The following MYLK variants were observed in gnomAD, a reference collection of about 807,000 sequenced individuals.
MYLK encodes myosin light chain kinase, smooth muscle.
MYLK carries 106 observed loss-of-function variants against 203.4 expected under a neutral mutation model. That is an observed-to-expected ratio of 0.52 (90% confidence interval 0.45 to 0.61). The LOEUF (loss-of-function observed/expected upper bound fraction) is 0.61, where lower values mean the gene tolerates loss of function less well. Among genes scored for constraint, MYLK ranks in the 20% least tolerant of loss-of-function variants. The probability of loss-of-function intolerance (pLI) is 0.00; values close to 1 mark genes in which losing one functional copy is unlikely to be tolerated. For missense variants in MYLK, 2,072 were observed against 2,442.3 expected (o/e 0.85, Z 3.20); for synonymous variants, 867 against 959.5 (o/e 0.90, Z 1.78).
chr3:123,859,944 T>C lies in MYLK; in HGVS notation c.-127+16615A>G, dbSNP rs370727639. Among the ~76,000 whole-genome samples, 18 of 151,830 alleles carry C rather than the reference T, an allele frequency of 1.2e-4. No homozygotes were observed. The East Asian group carries it at 3.3e-3, about 28-fold the overall frequency. ...ATAAATTTTTAAGTGATGGATTCTT[T>C]AATATTTTCAGACGCAGTTAGAAAA... is the stretch of plus-strand genomic sequence containing the variant. On this transcript the variant is annotated intron_variant, in intron 2 of 33. Transcript: ENST00000360304.
At chr3:123,853,432 C>T (rs76234193) in intron 2 of MYLK, among the ~76,000 whole-genome samples, 1 of 152,100 alleles carries the variant, frequency 6.6e-6, no homozygotes, top group African/African-American at 2.4e-5. Flanking sequence ...TGGGAAGACA[C>T]CCCAGAGAGC....
intron 2 of MYLK, among the ~76,000 whole-genome samples, chr3:123,874,466 C>T (rs1388977037): frequency 1.3e-5 from 2 of 152,118 alleles, no homozygotes; most frequent in African/African-American, 2.4e-5. Flanking sequence ...CTATACCTTA[C>T]ATCATGTATA....
intron 27 of MYLK, among the ~76,000 whole-genome samples, chr3:123,643,447 A>T (rs1416561295): frequency 6.6e-6 from 1 of 152,244 alleles, no homozygotes; most frequent in African/African-American, 2.4e-5. Context: ...CCTATTCAAT[A>T]TAAATTCAAA....
chr3:123,803,979 T>C (rs2065283128), intron 3 of MYLK, among the ~76,000 whole-genome samples: 1 of 151,830 alleles, frequency 6.6e-6, no homozygotes, highest in Non-Finnish European at 1.5e-5. Context: ...AAGAGAGAAC[T>C]AATAATAGTT....
intron 24 of MYLK, among the ~76,000 whole-genome samples, chr3:123,651,951 A>G (rs1482300249): frequency 6.6e-6 from 1 of 152,210 alleles, no homozygotes; most frequent in East Asian, 1.9e-4. Flanking sequence ...AACTCGGATC[A>G]AGAGTCCGGA....
intron 31 of MYLK, chr3:123,620,787 C>A: frequency 3.9e-6 from 1 of 258,258 alleles, no homozygotes; most frequent in Non-Finnish European, 6.3e-6. Context: ...TCCCACAAGT[C>A]CTGATGCAAA....
At chr3:123,761,380 C>T (rs1005468657) in intron 4 of MYLK, among the ~76,000 whole-genome samples, 1 of 152,212 alleles carries the variant, frequency 6.6e-6, no homozygotes, top group Non-Finnish European at 1.5e-5. Flanking sequence ...CACGTTGGGT[C>T]AGAATCCACC....
intron 2 of MYLK, among the ~76,000 whole-genome samples, chr3:123,861,368 A>G (rs2031902214): frequency 6.6e-6 from 1 of 152,226 alleles, no homozygotes; most frequent in Admixed American, 6.5e-5. Context: ...TGTCCTTCAG[A>G]TCCCTCATCT....
At chr3:123,773,427 T>C (rs1395024894) in intron 4 of MYLK, among the ~76,000 whole-genome samples, 1 of 152,244 alleles carries the variant, frequency 6.6e-6, no homozygotes, top group Non-Finnish European at 1.5e-5. Flanking sequence ...TTTAAAAATT[T>C]TACTTACTGA....
intron 19 of MYLK, among the ~76,000 whole-genome samples, chr3:123,683,732 C>T (rs1314413320): frequency 6.6e-6 from 1 of 152,134 alleles, no homozygotes; most frequent in African/African-American, 2.4e-5. Flanking sequence ...TGGGGGCAAT[C>T]CCCCACCAAA....
chr3:123,866,775 G>T (rs1453367667), intron 2 of MYLK, among the ~76,000 whole-genome samples: 1 of 152,088 alleles, frequency 6.6e-6, no homozygotes, highest in Non-Finnish European at 1.5e-5. Context: ...GAGTCAAGGA[G>T]CTTGGGTGTC....
At chr3:123,801,573 C>T (rs77393086) in intron 3 of MYLK, among the ~76,000 whole-genome samples, 1,735 of 152,232 alleles carry the variant, frequency 0.011, 30 homozygotes, top group African/African-American at 0.039. Flanking sequence ...CCCTTGCTCC[C>T]CTCCCTTTTC....
intron 5 of MYLK, among the ~76,000 whole-genome samples, chr3:123,744,586 G>A (rs141257824): frequency 0.015 from 2,264 of 152,194 alleles, 33 homozygotes; most frequent in Non-Finnish European, 0.021. Context: ...TTTATGATAC[G>A]GGGTTGAGTA....
At chr3:123,790,954 G>C (rs186553584) in intron 4 of MYLK, among the ~76,000 whole-genome samples, 47 of 152,330 alleles carry the variant, frequency 3.1e-4, no homozygotes, top group African/African-American at 1.1e-3. Context: ...ACCAGCCTGG[G>C]TCCAAGAAGT....
rs1011742769 is a variant in MYLK at position 123,820,668 on chromosome 3, T to C, written c.-4+10880A>G. On this transcript the variant is annotated intron_variant, in intron 3 of 33. Coordinates refer to ENST00000360304, the MANE Select transcript of MYLK (RefSeq NM_053025.4). ...CCTCCTTCCTTCCTTCCTTCCCTCC[T>C]TCCTTCCTTCCTTCCTTCCCTCCTT... 2.1e-3 allele frequency among the ~76,000 whole-genome samples: 297 copies of C among 138,984 alleles called. 1 individual carries two copies. The highest frequency in any genetic ancestry group is 7.7e-3 in the African/African-American group (274 of 35,602). The allele number at this position is 138,984 out of a possible 152,430, so 91.2% of individuals were successfully genotyped here.
intron 3 of MYLK, among the ~76,000 whole-genome samples, chr3:123,802,664 C>T (rs966154322): frequency 1.1e-4 from 16 of 152,212 alleles, no homozygotes; most frequent in South Asian, 2.1e-4. Flanking sequence ...TGTGAAGGAG[C>T]AAGGCCTGGT....
chr3:123,827,694 C>CATATATATAT (rs3052386), intron 3 of MYLK, among the ~76,000 whole-genome samples: 7 of 24,310 alleles, frequency 2.9e-4, no homozygotes, highest in Non-Finnish European at 6.5e-4. Context: ...TGAAAAACAC[C>CATATATATAT]ATATATATAT....
At chr3:123,635,601 A>G (rs2058614004) in intron 29 of MYLK, among the ~76,000 whole-genome samples, 1 of 152,260 alleles carries the variant, frequency 6.6e-6, no homozygotes, top group Non-Finnish European at 1.5e-5. Flanking sequence ...TCTTCTCCCC[A>G]TTTCCAAAAC....
chr3:123,818,340 A>G (rs2065814245), intron 3 of MYLK, among the ~76,000 whole-genome samples: 1 of 152,188 alleles, frequency 6.6e-6, no homozygotes, highest in South Asian at 2.1e-4. Context: ...GTTTTCAAAT[A>G]CATCCACTTC....
Sources: gnomAD v4.1 joint callset for allele counts (sites outside exome capture counted in the v4.1 genomes callset) on GRCh38, gnomAD v4.1.1 for gene constraint, MANE v1.5 for transcripts, NCBI Gene and HGNC (gene_info 2026-07-23, HGNC 2026-07-21) for gene names.